COL24A1: variants seen among roughly 807,000 people sequenced by gnomAD.
COL24A1 encodes the protein collagen type XXIV alpha 1 chain.
A neutral mutation model predicts 253.9 loss-of-function variants in COL24A1; 224 were observed. The observed-to-expected ratio is 0.88, with a 90% CI of 0.79 to 0.99. COL24A1 has a LOEUF of 0.99. Among genes scored for constraint, COL24A1 ranks in the 50% least tolerant of loss-of-function variants. The probability of loss-of-function intolerance (pLI) is 0.00; values close to 1 mark genes in which losing one functional copy is unlikely to be tolerated. For missense variants in COL24A1, 2,131 were observed against 2,068.5 expected (o/e 1.03, Z -0.59); for synonymous variants, 685 against 673.7 (o/e 1.02, Z -0.26).
intron 19 of COL24A1, among the ~76,000 whole-genome samples, chr1:86,006,000 A>G (rs1234581433): frequency 2.6e-5 from 4 of 152,324 alleles, no homozygotes; most frequent in South Asian, 2.1e-4. Flanking sequence ...ACTAATACTT[A>G]GTTATGAACC....
intron 5 of COL24A1, among the ~76,000 whole-genome samples, chr1:86,100,506 G>T (rs1419252362): frequency 1.3e-5 from 2 of 152,020 alleles, no homozygotes; most frequent in South Asian, 4.2e-4. Flanking sequence ...CCAGTTCCTG[G>T]CATAGAGCTC....
intron 19 of COL24A1, among the ~76,000 whole-genome samples, chr1:86,015,883 CTTTTTTT>C (rs34005326): frequency 3.7e-5 from 5 of 136,248 alleles, no homozygotes; most frequent in South Asian, 2.4e-4. Flanking sequence ...TCTACTTTTT[CTTTTTTT>C]TTTTTTTTTT....
At chr1:85,986,070 C>T (rs1002925145) in intron 20 of COL24A1, among the ~76,000 whole-genome samples, 2 of 151,804 alleles carry the variant, frequency 1.3e-5, no homozygotes, top group Non-Finnish European at 3.0e-5. Flanking sequence ...ATCTTCCCTG[C>T]AAAACATAAT....
intron 2 of COL24A1, among the ~76,000 whole-genome samples, chr1:86,138,418 C>T (rs1650571194): frequency 6.6e-6 from 1 of 152,056 alleles, no homozygotes; most frequent in African/African-American, 2.4e-5. Context: ...GTGTCCTCAC[C>T]CAAATCTCAT....
chr1:86,013,457 G>A (rs1001146717), intron 19 of COL24A1, among the ~76,000 whole-genome samples: 2 of 152,168 alleles, frequency 1.3e-5, no homozygotes, highest in Admixed American at 6.5e-5. Flanking sequence ...TGGGAAGATC[G>A]TATTCAAATC....
intron 58 of COL24A1, among the ~76,000 whole-genome samples, chr1:85,736,776 G>GT (rs1249464457): frequency 6.6e-6 from 1 of 152,134 alleles, no homozygotes; most frequent in African/African-American, 2.4e-5. Context: ...AAGAAACATA[G>GT]TTTTGGTTTC....
At chr1:86,073,992 C>T (rs1035893946) in intron 7 of COL24A1, among the ~76,000 whole-genome samples, 3 of 152,266 alleles carry the variant, frequency 2.0e-5, no homozygotes, top group Non-Finnish European at 2.9e-5. Flanking sequence ...AAATCAGTAC[C>T]AGCCACTGCA....
chr1:85,918,547 G>T (rs74097611), intron 24 of COL24A1, among the ~76,000 whole-genome samples: 2,581 of 152,154 alleles, frequency 0.017, 78 homozygotes, highest in African/African-American at 0.06. Flanking sequence ...GCCAACAAAG[G>T]TTTATATCAG....
intron 1 of COL24A1, among the ~76,000 whole-genome samples, chr1:86,150,565 T>C (rs879609389): frequency 3.9e-5 from 6 of 152,104 alleles, no homozygotes; most frequent in Non-Finnish European, 7.4e-5. Context: ...ATGGTAGCCT[T>C]CTTCTTTTTT....
At chr1:85,785,888 C>T (rs1353620279) in intron 48 of COL24A1, among the ~76,000 whole-genome samples, 4 of 152,146 alleles carry the variant, frequency 2.6e-5, no homozygotes, top group South Asian at 2.1e-4. Flanking sequence ...TGACAGACTC[C>T]ACACAATAAA....
At chr1:85,998,805 T>G (rs1488297641) in intron 19 of COL24A1, among the ~76,000 whole-genome samples, 1 of 152,218 alleles carries the variant, frequency 6.6e-6, no homozygotes, top group Non-Finnish European at 1.5e-5. Context: ...TCTTATGTAA[T>G]GCAACCTACC....
intron 14 of COL24A1, chr1:86,030,172 G>A (rs17406138): frequency 0.087 from 13,189 of 152,088 alleles, 698 homozygotes; most frequent in Middle Eastern, 0.19. Flanking sequence ...TTACTACACA[G>A]AGCATAAGGT....
intron 19 of COL24A1, among the ~76,000 whole-genome samples, chr1:85,990,365 G>A (rs551606960): frequency 8.5e-5 from 13 of 152,252 alleles, no homozygotes; most frequent in Admixed American, 1.3e-4. Flanking sequence ...GGATAGTTTC[G>A]GGATGAAACT....
chr1:85,832,406 T>A (rs1472546597), intron 43 of COL24A1, among the ~76,000 whole-genome samples: 1 of 151,976 alleles, frequency 6.6e-6, no homozygotes, highest in African/African-American at 2.4e-5. Flanking sequence ...CTTGGCAATG[T>A]GGGCTCTTTT....
At chr1:85,891,220 T>A (rs1260251815) in intron 31 of COL24A1, among the ~76,000 whole-genome samples, 4 of 147,110 alleles carry the variant, frequency 2.7e-5, no homozygotes, top group Admixed American at 2.0e-4. Context: ...CCGGCTAATT[T>A]TTTTTTTTTT....
Position 85,749,758 on chromosome 1 carries a change from C to T in COL24A1, c.4438-4252G>A, listed in dbSNP as rs1453349624. ...AATGCAGAAGCCTCAGGAGCTGATG[C>T]GATCAACTGGAAGAAAGGGTATCAG... On this transcript the variant is annotated intron_variant, in intron 55 of 59. Transcript: ENST00000370571. Among the ~76,000 whole-genome samples the T allele has an allele frequency of 2.9e-4, 4 of 13,960 alleles. 2 individuals are homozygous for T. Among genetic ancestry groups the T allele is most frequent in the African/African-American group, 4.0e-4 (4 of 9,890 alleles). 9.2% of individuals were successfully genotyped at this position (13,960 alleles called of 152,430 possible). A position where few individuals can be genotyped will look rare whatever the true frequency, so the allele number is the denominator to read the frequency against.
Position 85,800,063 on chromosome 1 carries a change from G to C in COL24A1, c.3952-13602C>G, listed in dbSNP as rs537907625. Among the ~76,000 whole-genome samples, 8 of 152,266 alleles carry C rather than the reference G, an allele frequency of 5.3e-5. No homozygotes were observed. In the East Asian group the frequency reaches 1.5e-3, roughly 29 times the overall value. On this transcript the variant is annotated intron_variant, in intron 47 of 59. Coordinates refer to ENST00000370571, the MANE Select transcript of COL24A1 (RefSeq NM_152890.7). ...CTCAGAATCTGTTTTTATAAACAAT[G>C]GTTCCCAATTAGAGTAACTTAGGAA...
At chr1:86,073,761 C>T (rs959991027) in intron 7 of COL24A1, among the ~76,000 whole-genome samples, 23 of 152,316 alleles carry the variant, frequency 1.5e-4, no homozygotes, top group African/African-American at 5.5e-4. Flanking sequence ...ATCAGACTAA[C>T]AGCAGATCTC....
At chr1:85,990,419 T>C (rs1163918375) in intron 19 of COL24A1, among the ~76,000 whole-genome samples, 1 of 152,182 alleles carries the variant, frequency 6.6e-6, no homozygotes, top group African/African-American at 2.4e-5. Context: ...ATAAGGAGCA[T>C]GCAACCTAGA....
Sources: gnomAD v4.1 joint callset for allele counts (sites outside exome capture counted in the v4.1 genomes callset) on GRCh38, gnomAD v4.1.1 for gene constraint, MANE v1.5 for transcripts, NCBI Gene and HGNC (gene_info 2026-07-23, HGNC 2026-07-21) for gene names.